IGF2BP1: variants seen among roughly 807,000 people sequenced by gnomAD.
IGF2BP1 encodes the protein insulin-like growth factor 2 mRNA-binding protein 1.
A neutral mutation model predicts 74.9 loss-of-function variants in IGF2BP1; 11 were observed. The observed-to-expected ratio is 0.15, with a 90% CI of 0.09 to 0.24. The LOEUF is 0.24. Among genes scored for constraint, IGF2BP1 ranks in the 10% least tolerant of loss-of-function variants. The pLI, the probability that IGF2BP1 is intolerant of heterozygous loss-of-function variation, is 1.00. For missense variants in IGF2BP1, 440 were observed against 757.4 expected, an observed-to-expected ratio of 0.58 and a Z score of 4.92; for synonymous variants, 287 against 281.8, an observed-to-expected ratio of 1.02 and a Z score of -0.18.
intron 2 of IGF2BP1, among the ~76,000 whole-genome samples, chr17:49,022,846 G>T (rs1367411234): frequency 6.6e-6 from 1 of 152,166 alleles, no homozygotes; most frequent in African/African-American, 2.4e-5. Context: ...TTCAAACTGG[G>T]CCCCTAAACT....
At position 49,046,028 on chromosome 17, in the gene IGF2BP1, T is replaced by C; in HGVS notation, c.1527+7T>C. ...TGGCAAAGGTGGAAAAACGGTGAGC[T>C]GTGAGGGCCAGGTTGAAAGCCCTGG... On this transcript the variant is annotated splice_region_variant and intron_variant, in intron 13 of 14. Coordinates refer to ENST00000290341, the MANE Select transcript of IGF2BP1 (RefSeq NM_006546.4). 2 of 1,613,742 alleles carry C rather than the reference T, an allele frequency of 1.2e-6. No individual in the cohort carries two copies.
rs578052531 is a variant in IGF2BP1, at chr17:49,040,146, C to T, written c.818+55C>T. 1.3e-5 allele frequency: 20 copies of T among 1,588,844 alleles called. No homozygotes were observed. The African/African-American group carries it at 1.8e-4, about 14-fold the overall frequency. On this transcript the variant is annotated intron_variant, in intron 7 of 14. Transcript: ENST00000290341. Reference sequence around the variant, plus strand: ...GGGTCTGCTAGTCCAGTTGAGCCTCCCCAACTCAACTTTCAAGCTTTTATA... The same window carrying T: ...GGGTCTGCTAGTCCAGTTGAGCCTCTCCAACTCAACTTTCAAGCTTTTATA...
intron 4 of IGF2BP1, among the ~76,000 whole-genome samples, chr17:49,031,440 G>A (rs2041920197): frequency 6.6e-6 from 1 of 151,988 alleles, no homozygotes; most frequent in South Asian, 2.1e-4. Context: ...CCTTGAAAGG[G>A]GAAAAGTTTT....
At chr17:49,029,794 ATT>A (rs34684271) in intron 4 of IGF2BP1, among the ~76,000 whole-genome samples, 34 of 134,298 alleles carry the variant, frequency 2.5e-4, no homozygotes, top group African/African-American at 3.3e-4. Context: ...CACCCGGCTG[ATT>A]TTTTTTTTTT....
chr17:49,040,726 A>G (rs1463761), intron 7 of IGF2BP1, among the ~76,000 whole-genome samples: 28,376 of 152,224 alleles, frequency 0.19, 2,821 homozygotes, highest in African/African-American at 0.25. Context: ...ATATTAGTAC[A>G]TATGGACAGA....
intron 13 of IGF2BP1, 112 bp from the exon 14 acceptor site, chr17:49,046,148 A>G (rs1263507180): frequency 1.0e-5 from 15 of 1,448,708 alleles, no homozygotes; most frequent in Middle Eastern, 2.2e-4. Context: ...CTACTCCCCA[A>G]GCTCAGGTCC....
At chr17:49,008,102 G>A (rs968036832) in intron 2 of IGF2BP1, among the ~76,000 whole-genome samples, 4 of 151,738 alleles carry the variant, frequency 2.6e-5, no homozygotes, top group Admixed American at 2.6e-4. Flanking sequence ...AACCCAGGAG[G>A]CAGAGGTTAC....
chr17:49,054,949 GC>G lies in IGF2BP1; in HGVS notation c.*5509del, dbSNP rs922655229. ...GGGGGAGTTCCACTGGGCGATCCCAGCCCCTCCCCACCCACCCTCTAATGGA... is the reference window on the plus strand; with the variant it reads ...GGGGGAGTTCCACTGGGCGATCCCAGCCCTCCCCACCCACCCTCTAATGGA... On this transcript the variant is annotated 3_prime_UTR_variant, in exon 15 of 15. Transcript: ENST00000290341. 2 of 150,284 alleles carry G rather than the reference GC, an allele frequency of 1.3e-5. No homozygotes were observed. The highest frequency in any genetic ancestry group is 4.9e-5 in the African/African-American group (2 of 40,622). The allele number at this position is 150,284 out of a possible 1,614,324, so 9.3% of individuals were successfully genotyped here. A position where few individuals can be genotyped will look rare whatever the true frequency, so the allele number is the denominator to read the frequency against.
Position 49,051,871 on chromosome 17 carries a change from T to C in IGF2BP1, c.*2427T>C, listed in dbSNP as rs986094350. On this transcript the variant is annotated 3_prime_UTR_variant, in exon 15 of 15. Transcript: ENST00000290341. ...GTTATTGTTTCATTTCAGTTCCGTC[T>C]TGCTATTCTTCCTAATCTATATCCA... 11 of 152,226 alleles carry C rather than the reference T, an allele frequency of 7.2e-5. No homozygotes were observed. Among genetic ancestry groups the C allele is most frequent in the African/African-American group, 2.6e-4 (11 of 41,510 alleles). The allele number at this position is 152,226 out of a possible 1,614,324, so 9.4% of individuals were successfully genotyped here.
At chr17:49,014,441 A>T (rs1293077687) in intron 2 of IGF2BP1, among the ~76,000 whole-genome samples, 1 of 151,604 alleles carries the variant, frequency 6.6e-6, no homozygotes, top group East Asian at 2.0e-4. Context: ...GGCCAAGGAT[A>T]GGCGAGAACC....
intron 1 of IGF2BP1, among the ~76,000 whole-genome samples, chr17:48,998,305 C>G (rs1315608765): frequency 1.3e-5 from 2 of 152,154 alleles, no homozygotes; most frequent in Non-Finnish European, 2.9e-5. Context: ...GGACGCCCCC[C>G]CAGCTGGAAA....
chr17:49,000,098 A>C (rs1452783014), intron 2 of IGF2BP1, among the ~76,000 whole-genome samples: 2 of 152,078 alleles, frequency 1.3e-5, no homozygotes, highest in Admixed American at 6.6e-5. Context: ...CTGGCTGGGA[A>C]GTATAAGGGC....
Position 49,040,062 on chromosome 17 carries a change from T to G in IGF2BP1, c.789T>G (p.Ile263Met). The G allele has an allele frequency of 1.2e-6, 2 of 1,614,128 alleles. No homozygotes were observed. The highest frequency in any genetic ancestry group is 1.7e-6 in the Non-Finnish European group (2 of 1,180,030). ...CCGCTTGTAAGATGATCTTGGAGAT[T>G]ATGCATAAAGAGGCTAAGGACACCA... Reference protein sequence around the residue: ...CSSACKMILEIMHKEAKDTKT... With the variant: ...CSSACKMILEMMHKEAKDTKT... Residue 263 changes from isoleucine to methionine, a missense_variant, in exon 7 of 15, where the codon ATT (isoleucine) becomes ATG (methionine). Coordinates refer to ENST00000290341, the MANE Select transcript of IGF2BP1 (RefSeq NM_006546.4).
chr17:49,042,020 CAG>C (rs1016947031), intron 8 of IGF2BP1, among the ~76,000 whole-genome samples: 18 of 152,328 alleles, frequency 1.2e-4, no homozygotes, highest in African/African-American at 4.1e-4. Flanking sequence ...CCATTGCTAA[CAG>C]AGGAGTTTGA....
chr17:48,998,603 A>G (rs2041439328), intron 1 of IGF2BP1, among the ~76,000 whole-genome samples: 1 of 151,324 alleles, frequency 6.6e-6, no homozygotes, highest in Admixed American at 6.6e-5. Flanking sequence ...CCTCCCCGCC[A>G]GGCCCCGCTC....
intron 2 of IGF2BP1, among the ~76,000 whole-genome samples, chr17:49,010,680 G>A (rs933713633): frequency 1.3e-5 from 2 of 151,910 alleles, no homozygotes; most frequent in Admixed American, 6.6e-5. Flanking sequence ...AGCATTATTG[G>A]GTCTTTTCAG....
intron 5 of IGF2BP1, 127 bp downstream of exon 5, chr17:49,032,100 T>A: frequency 2.6e-6 from 2 of 765,342 alleles, no homozygotes; most frequent in Non-Finnish European, 4.4e-6. Context: ...GGTTCTGATA[T>A]TAGCCCAAGC....
intron 5 of IGF2BP1, among the ~76,000 whole-genome samples, chr17:49,034,456 C>T (rs2041961458): frequency 6.7e-6 from 1 of 149,674 alleles, no homozygotes; most frequent in South Asian, 2.1e-4. Context: ...TTTAAAAATG[C>T]TGTCGGGTTT....
Position 49,045,016 on chromosome 17 carries a change from C to G in IGF2BP1, c.1346C>G (p.Ser449Cys), listed in dbSNP as rs2042094342. 3.1e-6 allele frequency: 5 copies of G among 1,614,100 alleles called. No individual in the cohort carries two copies. In the East Asian group the frequency reaches 1.1e-4, roughly 36 times the overall value. ...IKIAPPETPDSKVRMVIITGP... is the reference protein window; with the variant it reads ...IKIAPPETPDCKVRMVIITGP... ...ATTGCACCACCCGAAACACCTGACT[C>G]CAAAGTTCGTATGGTTATCATCACT... Residue 449 changes from serine (S) to cysteine (C), a missense_variant, in exon 12 of 15, where the codon TCC becomes TGC. Physicochemically the swap from Ser to Cys is moderately radical, Grantham distance 112 (BLOSUM62 -1). This residue lies in a region of IGF2BP1 where 117 missense variants were observed against 237.2 expected (regional missense o/e 0.49). Coordinates refer to ENST00000290341, the MANE Select transcript of IGF2BP1 (RefSeq NM_006546.4).
Sources: allele counts gnomAD v4.1 joint callset (sites outside exome capture counted in the v4.1 genomes callset), GRCh38; gene constraint gnomAD v4.1.1; regional missense constraint gnomAD v4.1.1; transcripts MANE v1.5; gene names NCBI Gene and HGNC (gene_info 2026-07-23, HGNC 2026-07-21).